DCX: variants seen among roughly 807,000 people sequenced by gnomAD.
The protein encoded by DCX is doublecortin.
A neutral mutation model predicts 20.9 loss-of-function variants in DCX; 4 were observed. That is an observed-to-expected ratio of 0.19 (90% CI 0.09 to 0.44). DCX has a LOEUF of 0.44. Among genes scored for constraint, DCX ranks in the 20% least tolerant of loss-of-function variants. DCX has a pLI of 0.99. For synonymous variants in DCX, 103 were observed against 111.4 expected (o/e 0.92, Z 0.47); for missense variants, 133 against 296.9 (o/e 0.45, Z 4.06).
At chrX:111,329,846 C>A (rs1466151490) in intron 5 of DCX, among the ~76,000 whole-genome samples, 2 of 112,152 alleles carry the variant, frequency 1.8e-5, no homozygotes, top group African/African-American at 6.5e-5. Flanking sequence ...ATGCCCCAAA[C>A]TGAAGGGCCC....
Position 111,297,394 on chromosome X carries a change from AT to A in DCX, c.*4292del, listed in dbSNP as rs1039873273. On this transcript the variant is annotated 3_prime_UTR_variant, in exon 7 of 7. Transcript: ENST00000636035. Reference sequence around the variant, plus strand: ...TATGGATTTTTAAAAAATAAAAGCCATTTAGAATCAAATGTGCAGGGTGATT... The same window carrying A: ...TATGGATTTTTAAAAAATAAAAGCCATTAGAATCAAATGTGCAGGGTGATT... The A allele has an allele frequency of 4.5e-5, 5 of 111,878 alleles. No individual in the cohort carries two copies. The Admixed American group carries it at 4.7e-4, about 11-fold the overall frequency. The allele number at this position is 111,878 out of a possible 1,213,427, so 9.2% of individuals were successfully genotyped here.
At chrX:111,364,546 A>G (rs1331042765) in intron 3 of DCX, among the ~76,000 whole-genome samples, 2 of 112,072 alleles carry the variant, frequency 1.8e-5, no homozygotes, top group African/African-American at 6.5e-5. Context: ...TGTGTGTTCC[A>G]TAAACCAGCA....
rs762037328 is a variant in DCX at position 111,395,027 on chromosome X, T to C, written c.705+5963A>G. 9.8e-5 allele frequency among the ~76,000 whole-genome samples: 11 copies of C among 112,129 alleles called. No homozygotes were observed. The South Asian group carries it at 1.9e-3, about 19-fold the overall frequency. ...TTTTAGAGGCCATCCTGGAAAGCAA[T>C]GTATCCACCAAAGTAAGTACGACAT... On this transcript the variant is annotated intron_variant, in intron 3 of 6. Transcript: ENST00000636035.
intron 2 of DCX, among the ~76,000 whole-genome samples, chrX:111,404,790 C>T (rs959958042): frequency 6.4e-4 from 72 of 112,704 alleles, no homozygotes; most frequent in African/African-American, 2.2e-3. Flanking sequence ...ACATCAAATG[C>T]TCTTCTTTGC....
chrX:111,309,710 G>T, intron 6 of DCX, among the ~76,000 whole-genome samples: 1 of 111,470 alleles, frequency 9.0e-6, no homozygotes, highest in Non-Finnish European at 1.9e-5. Context: ...AACTGGCCTG[G>T]ACCTTTTATT....
chrX:111,407,753 A>G (rs909979540), intron 2 of DCX, among the ~76,000 whole-genome samples: 21 of 108,870 alleles, frequency 1.9e-4, no homozygotes, highest in Middle Eastern at 4.7e-3. Context: ...TTTATTGCCT[A>G]CCTATGTTGA....
At chrX:111,329,660 C>T (rs148930939) in intron 5 of DCX, among the ~76,000 whole-genome samples, 6,415 of 111,391 alleles carry the variant, frequency 0.058, 457 homozygotes, top group African/African-American at 0.2. Flanking sequence ...TATGGGGGAA[C>T]AGGGAGTGCA....
At chrX:111,301,891 G>A (rs182604151) in intron 6 of DCX, 148 bp from the exon 7 acceptor site, 72 of 533,074 alleles carry the variant, frequency 1.4e-4, no homozygotes, top group Middle Eastern at 1.1e-3. Context: ...GTACAGGGAG[G>A]TACCCTTGTA....
chrX:111,391,777 G>A (rs779064239), intron 3 of DCX, among the ~76,000 whole-genome samples: 1 of 111,560 alleles, frequency 9.0e-6, no homozygotes, highest in East Asian at 2.8e-4. Context: ...ACCTGCTGTG[G>A]CTCCCTACAC....
At position 111,354,442 on chromosome X, in the gene DCX, C is replaced by T. The variant is rs766731522; in HGVS notation, c.706-21289G>A. Among the ~76,000 whole-genome samples the T allele has an allele frequency of 7.1e-5, 8 of 112,143 alleles. No homozygotes were observed. In the East Asian group the frequency reaches 1.7e-3, roughly 23 times the overall value. ...AAGTAAAACACATAAAGAAATAAGG[C>T]TGATGGCTGTGTTAAAGAGAGTTTC... On this transcript the variant is annotated intron_variant, in intron 3 of 6. Transcript: ENST00000636035.
chrX:111,408,063 A>C (rs1928350430), intron 2 of DCX, among the ~76,000 whole-genome samples: 1 of 111,534 alleles, frequency 9.0e-6, no homozygotes, highest in Non-Finnish European at 1.9e-5. Flanking sequence ...GAAAGTTGTT[A>C]CAGAGAAATC....
chrX:111,307,454 G>C (rs61140031), intron 6 of DCX, among the ~76,000 whole-genome samples: 1 of 110,784 alleles, frequency 9.0e-6, no homozygotes, highest in Non-Finnish European at 1.9e-5. Context: ...ATTCCATTAA[G>C]TTAAACTTGC....
At chrX:111,327,461 G>C (rs986064536) in intron 5 of DCX, among the ~76,000 whole-genome samples, 2 of 112,312 alleles carry the variant, frequency 1.8e-5, no homozygotes, top group Non-Finnish European at 3.8e-5. Flanking sequence ...CATATGAAAA[G>C]TATGCACTGT....
chrX:111,328,645 G>A (rs1018519938), intron 5 of DCX, among the ~76,000 whole-genome samples: 1 of 111,669 alleles, frequency 9.0e-6, no homozygotes, highest in African/African-American at 3.3e-5. Flanking sequence ...AATGTAGGTT[G>A]GACTTAGTGA....
At chrX:111,404,048 TTAAAATAAAA>T (rs10688083) in intron 2 of DCX, among the ~76,000 whole-genome samples, 30 of 73,498 alleles carry the variant, frequency 4.1e-4, no homozygotes, top group Admixed American at 1.2e-3. Flanking sequence ...AGATTCCGTC[TTAAAATAAAA>T]TAAAATAAAA....
intron 5 of DCX, among the ~76,000 whole-genome samples, chrX:111,323,791 T>C (rs1472271749): frequency 2.7e-5 from 3 of 110,165 alleles, no homozygotes; most frequent in Non-Finnish European, 3.8e-5. Context: ...AATGGTGTTT[T>C]AGGATGAGAA....
chrX:111,380,308 C>T (rs777660133), intron 3 of DCX, among the ~76,000 whole-genome samples: 93 of 111,667 alleles, frequency 8.3e-4, no homozygotes, highest in African/African-American at 2.8e-3. Context: ...TCATAGCTTA[C>T]ATTTGGGTCT....
At chrX:111,358,515 T>C (rs1923944432) in intron 3 of DCX, among the ~76,000 whole-genome samples, 1 of 112,304 alleles carries the variant, frequency 8.9e-6, no homozygotes, top group Non-Finnish European at 1.9e-5. Context: ...TGCCTTATTC[T>C]GTTTAACTCT....
intron 6 of DCX, among the ~76,000 whole-genome samples, chrX:111,303,732 G>A (rs936150481): frequency 2.3e-4 from 26 of 111,667 alleles, no homozygotes; most frequent in African/African-American, 8.5e-4. Flanking sequence ...GTCCTAAAGG[G>A]ATATTGAATG....
Sources: gnomAD v4.1 joint callset for allele counts (sites outside exome capture counted in the v4.1 genomes callset) on GRCh38, gnomAD v4.1.1 for gene constraint, MANE v1.5 for transcripts, NCBI Gene and HGNC (gene_info 2026-07-23, HGNC 2026-07-21) for gene names.